HOXA3: variants seen among roughly 807,000 people sequenced by gnomAD.
The protein encoded by HOXA3 is homeobox A3.
In HOXA3, 8 loss-of-function variants were observed where a neutral mutation model predicts 30.3. The observed-to-expected ratio is 0.26, with a 90% CI of 0.15 to 0.48. The LOEUF (loss-of-function observed/expected upper bound fraction) is 0.48, where lower values mean the gene tolerates loss of function less well. Among genes scored for constraint, HOXA3 ranks in the 20% least tolerant of loss-of-function variants. HOXA3 has a pLI of 0.99. For synonymous variants in HOXA3, 323 were observed against 273.1 expected (o/e 1.18, Z -1.80); for missense variants, 653 against 614.4 (o/e 1.06, Z -0.66).
chr7:27,139,887 C>T (rs576596427), intron 2 of HOXA3, among the ~76,000 whole-genome samples, 196 bp downstream of exon 2: 1 of 152,310 alleles, frequency 6.6e-6, no homozygotes, highest in African/African-American at 2.4e-5. Context: ...GGCGCGGCCA[C>T]AGGCGCTGCT....
At chr7:27,122,923 G>A (rs987867192) in intron 3 of HOXA3, 4 of 151,760 alleles carry the variant, frequency 2.6e-5, no homozygotes, top group Non-Finnish European at 4.4e-5. Flanking sequence ...TGGCGGGGGA[G>A]TGGGGAAGGA....
At chr7:27,125,921 C>T (rs1785262061) in intron 3 of HOXA3, among the ~76,000 whole-genome samples, 1 of 152,158 alleles carries the variant, frequency 6.6e-6, no homozygotes, top group Admixed American at 6.5e-5. Context: ...CCCCACCCCA[C>T]CCCATAGGGA....
At chr7:27,151,598 C>G (rs1383846159) in intron 1 of HOXA3, 2 of 456,760 alleles carry the variant, frequency 4.4e-6, no homozygotes, top group Non-Finnish European at 4.4e-6. Context: ...CACCTATTCC[C>G]CCTCCCAGCG....
At chr7:27,143,221 C>G in intron 1 of HOXA3, 7 of 1,610,166 alleles carry the variant, frequency 4.3e-6, no homozygotes, top group Non-Finnish European at 5.9e-6. Flanking sequence ...CGGCGTCGGC[C>G]GAGGCGCCGC....
At chr7:27,143,511 G>C (rs1158832073) in intron 1 of HOXA3, 1 of 1,613,790 alleles carries the variant, frequency 6.2e-7, no homozygotes, top group Non-Finnish European at 8.5e-7. Flanking sequence ...TCCCTGAATT[G>C]CTCGCTCACG....
At chr7:27,131,351 C>T (rs1011981730) in intron 2 of HOXA3, among the ~76,000 whole-genome samples, 2 of 152,208 alleles carry the variant, frequency 1.3e-5, no homozygotes, top group Admixed American at 1.3e-4. Context: ...CCGCAGATCC[C>T]CCTTCCCCAC....
At position 27,152,442 on chromosome 7, in the gene HOXA3, C is replaced by G. The variant is rs1290938594; in HGVS notation, c.-648G>C. On this transcript the variant is annotated 5_prime_UTR_variant, in exon 1 of 6. Coordinates refer to ENST00000612286, the MANE Select transcript of HOXA3 (RefSeq NM_153631.3). ...TGCTGCCGCGGCGCCGGGAACGGAG[C>G]GCGCCCAATCTCCAGCGGGAGCCGC... is the stretch of plus-strand genomic sequence containing the variant. The G allele has an allele frequency of 8.7e-7, 1 of 1,154,720 alleles. No homozygotes were observed. The highest frequency in any genetic ancestry group is 1.1e-6 in the Non-Finnish European group (1 of 923,308). 71.5% of individuals were successfully genotyped at this position (1,154,720 alleles called of 1,614,324 possible). A position where few individuals can be genotyped will look rare whatever the true frequency, so the allele number is the denominator to read the frequency against.
At chr7:27,149,234 T>C (rs1782887051) in intron 1 of HOXA3, among the ~76,000 whole-genome samples, 1 of 152,204 alleles carries the variant, frequency 6.6e-6, no homozygotes, top group Admixed American at 6.5e-5. Context: ...TACAACTGTG[T>C]TTGTTGGGCT....
chr7:27,145,968 C>T, intron 1 of HOXA3: 1 of 1,571,048 alleles, frequency 6.4e-7, no homozygotes, highest in Non-Finnish European at 8.6e-7. Context: ...GGAGGGTTGA[C>T]CCAGTCAGCC....
At chr7:27,148,002 A>G (rs1200320809) in intron 1 of HOXA3, among the ~76,000 whole-genome samples, 3 of 152,228 alleles carry the variant, frequency 2.0e-5, no homozygotes, top group Admixed American at 6.5e-5. Flanking sequence ...CGGCAGATTA[A>G]TGGGCGCGCA....
intron 4 of HOXA3, chr7:27,120,947 C>T: frequency 6.6e-6 from 1 of 152,336 alleles, no homozygotes; most frequent in Non-Finnish European, 1.5e-5. Flanking sequence ...ACTCACTTCA[C>T]CGGCCTCCAA....
At chr7:27,147,430 G>A (rs961128013) in intron 1 of HOXA3, 18 of 1,614,068 alleles carry the variant, frequency 1.1e-5, no homozygotes, top group Middle Eastern at 1.6e-4. Flanking sequence ...CTGCTGCTCG[G>A]GAGAAAAGTG....
chr7:27,130,850 C>T, intron 2 of HOXA3: 1 of 1,051,298 alleles, frequency 9.5e-7, no homozygotes, highest in Non-Finnish European at 1.4e-6. Context: ...CGCCCTTCCC[C>T]TCCCCCCGCT....
intron 1 of HOXA3, among the ~76,000 whole-genome samples, chr7:27,149,382 C>T (rs10256787): frequency 0.028 from 4,218 of 152,286 alleles, 171 homozygotes; most frequent in African/African-American, 0.087. Context: ...TCACCCGGTT[C>T]AGGACTTAGT....
Position 27,125,931 on chromosome 7 carries a change from A to G in HOXA3, c.-205+955T>C, listed in dbSNP as rs1785262905. On this transcript the variant is annotated intron_variant, in intron 3 of 5. Coordinates refer to ENST00000612286, the MANE Select transcript of HOXA3 (RefSeq NM_153631.3). ...ATCCACCCCACCCCACCCCATAGGG[A>G]GGAGGCTGAGATATAGGGGAATGGG... Among the ~76,000 whole-genome samples the G allele has an allele frequency of 2.0e-5, 3 of 152,262 alleles. No individual in the cohort carries two copies. In the South Asian group the frequency reaches 6.2e-4, roughly 32 times the overall value.
At position 27,107,983 on chromosome 7, in the gene HOXA3, T is replaced by C; in HGVS notation, c.1264A>G (p.Thr422Ala). The C allele has an allele frequency of 6.2e-7, 1 of 1,610,858 alleles. No individual in the cohort carries two copies. Among genetic ancestry groups the C allele is most frequent in the Non-Finnish European group, 8.5e-7 (1 of 1,178,044 alleles). ...GAAGGATGGTGGCCGGTAAGGTCCGTGTAGGTGGGGTGCGGCTCCCCAGGC... is the reference window on the plus strand; with the variant it reads ...GAAGGATGGTGGCCGGTAAGGTCCGCGTAGGTGGGGTGCGGCTCCCCAGGC... Reference protein sequence around the residue: ...PGPGEPHPTYTDLTGHHPSQG... With the variant: ...PGPGEPHPTYADLTGHHPSQG... Residue 422 changes from threonine to alanine, a missense_variant, in exon 6 of 6, where the codon ACG becomes GCG. This residue lies in a region of HOXA3 where 330 missense variants were observed against 274.4 expected (regional missense o/e 1.20). Coordinates refer to ENST00000612286, the MANE Select transcript of HOXA3 (RefSeq NM_153631.3).
Position 27,145,661 on chromosome 7 carries a change from C to T in HOXA3, c.-493-5475G>A, listed in dbSNP as rs62454417. The T allele has an allele frequency of 2.9e-3, 4,628 of 1,612,880 alleles. 13 individuals are homozygous for T. Among genetic ancestry groups the T allele is most frequent in the Non-Finnish European group, 3.6e-3 (4,296 of 1,179,272 alleles). Reference sequence around the variant, plus strand: ...GGCCTGGTCCCTGCCCAGGCATCTACTCGCCCGCCTTTGCCTCTGAGTCCT... The same window carrying T: ...GGCCTGGTCCCTGCCCAGGCATCTATTCGCCCGCCTTTGCCTCTGAGTCCT... On this transcript the variant is annotated intron_variant, in intron 1 of 5. Coordinates refer to ENST00000612286, the MANE Select transcript of HOXA3 (RefSeq NM_153631.3).
chr7:27,142,677 T>G (rs753622131), intron 1 of HOXA3: 1 of 257,284 alleles, frequency 3.9e-6, no homozygotes, highest in Non-Finnish European at 7.3e-6. Context: ...TCCTCATAAA[T>G]TATCCGCCGT....
At chr7:27,145,431 A>C in intron 1 of HOXA3, 12 of 628,292 alleles carry the variant, frequency 1.9e-5, no homozygotes, top group East Asian at 5.8e-5. Flanking sequence ...CACCGCTGGT[A>C]TTGGCTGTGT....
Sources: allele counts gnomAD v4.1 joint callset (sites outside exome capture counted in the v4.1 genomes callset), GRCh38; gene constraint gnomAD v4.1.1; regional missense constraint gnomAD v4.1.1; transcripts MANE v1.5; gene names NCBI Gene and HGNC (gene_info 2026-07-23, HGNC 2026-07-21).